NRG3: variants seen among roughly 807,000 people sequenced by gnomAD.
NRG3 encodes pro-neuregulin-3, membrane-bound isoform.
NRG3 carries 31 observed loss-of-function variants against 66.9 expected under a neutral mutation model. The ratio of observed to expected loss-of-function variants is 0.46; its 90% confidence interval spans 0.35 to 0.63. The LOEUF is 0.63. Among genes scored for constraint, NRG3 ranks in the 20% least tolerant of loss-of-function variants. The pLI is 0.00. For missense variants in NRG3, 910 were observed against 878.9 expected, an observed-to-expected ratio of 1.04 and a Z score of -0.45; for synonymous variants, 393 against 359.4, an observed-to-expected ratio of 1.09 and a Z score of -1.06.
intron 3 of NRG3, chr10:82,799,772 A>C (rs2060958336): frequency 6.6e-6 from 1 of 152,128 alleles, no homozygotes; most frequent in Admixed American, 6.5e-5. Flanking sequence ...CAGGCAGGGT[A>C]CTGAGCAAAG....
At chr10:81,887,911 C>A (rs1252211978) in intron 1 of NRG3, among the ~76,000 whole-genome samples, 1 of 152,116 alleles carries the variant, frequency 6.6e-6, no homozygotes, top group Non-Finnish European at 1.5e-5. Context: ...GTGCTGGTTA[C>A]ATGAGTGAGT....
At position 82,276,285 on chromosome 10, in the gene NRG3, A is replaced by G. The variant is rs139217862; in HGVS notation, c.824-82454A>G. Among the ~76,000 whole-genome samples, 6 of 152,146 alleles carry G rather than the reference A, an allele frequency of 3.9e-5. No individual in the cohort carries two copies. In the East Asian group the frequency reaches 9.6e-4, roughly 24 times the overall value. On this transcript the variant is annotated intron_variant, in intron 1 of 8. Coordinates refer to ENST00000372141, the MANE Select transcript of NRG3 (RefSeq NM_001010848.4). Reference sequence around the variant, plus strand: ...ATGGCCACACTCTTTTAAAATATTCATATATTTTGCATTTAGTTTAAATGA... The same window carrying G: ...ATGGCCACACTCTTTTAAAATATTCGTATATTTTGCATTTAGTTTAAATGA...
intron 3 of NRG3, among the ~76,000 whole-genome samples, chr10:82,846,773 T>G (rs918828036): frequency 2.6e-5 from 4 of 152,200 alleles, no homozygotes; most frequent in African/African-American, 9.7e-5. Flanking sequence ...ACGATATAAA[T>G]CTGAAGTTCT....
intron 3 of NRG3, among the ~76,000 whole-genome samples, chr10:82,804,123 C>T (rs1362144326): frequency 1.3e-5 from 2 of 152,152 alleles, no homozygotes; most frequent in Admixed American, 6.5e-5. Context: ...CCTTGTTTTA[C>T]TTAATGGCCC....
intron 1 of NRG3, among the ~76,000 whole-genome samples, chr10:82,237,277 G>A (rs2076800785): frequency 1.3e-5 from 2 of 152,034 alleles, no homozygotes; most frequent in Non-Finnish European, 2.9e-5. Flanking sequence ...CCTCCTCCTT[G>A]TAAATCTTTC....
rs565416905 is a variant in NRG3, at chr10:82,953,514, C to T, written c.1157+1943C>T. On this transcript the variant is annotated intron_variant, in intron 5 of 8. Coordinates refer to ENST00000372141, the MANE Select transcript of NRG3 (RefSeq NM_001010848.4). ...CAAGAATGCCATCTGGCATAATGGTCAGGGTTGTACACTAGTGAGTCATAC... is the reference window on the plus strand; with the variant it reads ...CAAGAATGCCATCTGGCATAATGGTTAGGGTTGTACACTAGTGAGTCATAC... 2.6e-5 allele frequency among the ~76,000 whole-genome samples: 4 copies of T among 151,998 alleles called. 1 individual carries two copies. The highest frequency in any genetic ancestry group is 9.7e-5 in the African/African-American group (4 of 41,288).
intron 1 of NRG3, among the ~76,000 whole-genome samples, chr10:82,294,641 T>G (rs1264525996): frequency 6.6e-6 from 1 of 152,218 alleles, no homozygotes; most frequent in Admixed American, 6.5e-5. Flanking sequence ...CAGCGTTATA[T>G]GCCTGCTTGG....
chr10:82,419,236 A>G (rs1053058276), intron 2 of NRG3, among the ~76,000 whole-genome samples: 1 of 152,208 alleles, frequency 6.6e-6, no homozygotes, highest in African/African-American at 2.4e-5. Flanking sequence ...CTTAGATTTT[A>G]ATATACTTTT....
chr10:82,105,750 A>G (rs933002363), intron 1 of NRG3, among the ~76,000 whole-genome samples: 1 of 152,222 alleles, frequency 6.6e-6, no homozygotes, highest in African/African-American at 2.4e-5. Flanking sequence ...CAATATGAAA[A>G]TAGACATAAA....
At chr10:82,745,677 A>C (rs2134856614) in intron 3 of NRG3, among the ~76,000 whole-genome samples, 1 of 152,230 alleles carries the variant, frequency 6.6e-6, no homozygotes, top group South Asian at 2.1e-4. Context: ...TAATATCTTC[A>C]AGTCTTTCCT....
intron 1 of NRG3, among the ~76,000 whole-genome samples, chr10:81,882,161 C>T (rs1339664876): frequency 6.6e-6 from 1 of 152,168 alleles, no homozygotes; most frequent in Non-Finnish European, 1.5e-5. Flanking sequence ...CTGTAAAGTG[C>T]ACAACTCAGC....
At chr10:82,270,885 T>A (rs1188068418) in intron 1 of NRG3, among the ~76,000 whole-genome samples, 2 of 152,146 alleles carry the variant, frequency 1.3e-5, no homozygotes, top group African/African-American at 4.8e-5. Context: ...TTTGGAAATC[T>A]CACAACTCAG....
chr10:82,104,853 G>A (rs966826718), intron 1 of NRG3, among the ~76,000 whole-genome samples: 5 of 152,098 alleles, frequency 3.3e-5, no homozygotes, highest in African/African-American at 1.2e-4. Flanking sequence ...TGTTAGAATT[G>A]AAGCTTTATA....
At chr10:82,971,209 C>A (rs1851693127) in intron 6 of NRG3, among the ~76,000 whole-genome samples, 1 of 152,104 alleles carries the variant, frequency 6.6e-6, no homozygotes, top group Non-Finnish European at 1.5e-5. Context: ...AGACACCTCC[C>A]ACCAGGCCTC....
At chr10:82,843,065 T>C (rs962713493) in intron 3 of NRG3, among the ~76,000 whole-genome samples, 3 of 152,202 alleles carry the variant, frequency 2.0e-5, no homozygotes, top group Admixed American at 6.5e-5. Context: ...TTTTGGACCA[T>C]AATTGACTAT....
At chr10:82,465,939 C>T (rs1166209862) in intron 2 of NRG3, among the ~76,000 whole-genome samples, 3 of 152,152 alleles carry the variant, frequency 2.0e-5, no homozygotes, top group Admixed American at 6.5e-5. Context: ...GTCGTTGCTT[C>T]TGGATCTATC....
At chr10:82,011,203 A>G (rs2061560599) in intron 1 of NRG3, among the ~76,000 whole-genome samples, 1 of 152,178 alleles carries the variant, frequency 6.6e-6, no homozygotes, top group South Asian at 2.1e-4. Flanking sequence ...GTGGAATGAA[A>G]GGAGAAGCAA....
At chr10:82,912,064 T>C (rs963109668) in intron 4 of NRG3, among the ~76,000 whole-genome samples, 2 of 152,180 alleles carry the variant, frequency 1.3e-5, no homozygotes, top group Non-Finnish European at 2.9e-5. Context: ...TATATAATTT[T>C]CATGTGTTAA....
intron 1 of NRG3, among the ~76,000 whole-genome samples, chr10:82,085,638 T>C (rs2065675029): frequency 6.7e-6 from 1 of 148,628 alleles, no homozygotes; most frequent in South Asian, 2.1e-4. Context: ...CATTCACCTC[T>C]TTTTTTTTTC....
Sources: allele counts gnomAD v4.1 joint callset (sites outside exome capture counted in the v4.1 genomes callset), GRCh38; gene constraint gnomAD v4.1.1; transcripts MANE v1.5; gene names NCBI Gene and HGNC (gene_info 2026-07-23, HGNC 2026-07-21).